HTR7: variants seen among roughly 807,000 people sequenced by gnomAD.
HTR7 encodes 5-hydroxytryptamine receptor 7.
HTR7 carries 16 observed loss-of-function variants against 34.0 expected under a neutral mutation model. That is an observed-to-expected ratio of 0.47 (90% CI 0.32 to 0.71). The LOEUF (loss-of-function observed/expected upper bound fraction) is 0.71. Ranked by LOEUF, HTR7 falls within the 30% of genes least tolerant of loss-of-function variation. HTR7 has a pLI of 0.04. For missense variants in HTR7, 504 were observed against 625.5 expected (o/e 0.81, Z 2.07); for synonymous variants, 265 against 260.2 (o/e 1.02, Z -0.18).
At chr10:90,835,970 G>C (rs1218360747) in intron 1 of HTR7, among the ~76,000 whole-genome samples, 1 of 152,084 alleles carries the variant, frequency 6.6e-6, no homozygotes, top group Non-Finnish European at 1.5e-5. Flanking sequence ...ACAAGGAAAG[G>C]GCAAGAACAA....
At chr10:90,755,788 G>A (rs1214101732) in intron 1 of HTR7, among the ~76,000 whole-genome samples, 1 of 152,180 alleles carries the variant, frequency 6.6e-6, no homozygotes, top group Non-Finnish European at 1.5e-5. Flanking sequence ...AATGTAAACT[G>A]ATGCAGTAAC....
At chr10:90,750,837 A>G (rs1368279717) in intron 1 of HTR7, among the ~76,000 whole-genome samples, 1 of 152,248 alleles carries the variant, frequency 6.6e-6, no homozygotes, top group Non-Finnish European at 1.5e-5. Flanking sequence ...GAAATATAGT[A>G]AAAAATAATG....
intron 1 of HTR7, among the ~76,000 whole-genome samples, chr10:90,808,522 G>A (rs879887654): frequency 3.2e-4 from 48 of 150,662 alleles, no homozygotes; most frequent in Admixed American, 1.4e-3. Context: ...TCTGTGCTCC[G>A]ATCCCTTATT....
chr10:90,748,106 T>C (rs2420203), intron 2 of HTR7, among the ~76,000 whole-genome samples: 31,696 of 152,116 alleles, frequency 0.21, 3,988 homozygotes, highest in African/African-American at 0.34. Context: ...CCTGCCAAGA[T>C]GGGCAGGAAC....
At chr10:90,757,537 T>C (rs1442278246) in intron 1 of HTR7, among the ~76,000 whole-genome samples, 4 of 152,168 alleles carry the variant, frequency 2.6e-5, no homozygotes, top group Non-Finnish European at 1.5e-5. Context: ...TCAGCTGCGG[T>C]AGAATCTACT....
At chr10:90,819,504 C>T (rs970639542) in intron 1 of HTR7, among the ~76,000 whole-genome samples, 4 of 152,102 alleles carry the variant, frequency 2.6e-5, no homozygotes, top group Non-Finnish European at 5.9e-5. Flanking sequence ...AGTACATCAT[C>T]CCTTTTTAAT....
intron 1 of HTR7, among the ~76,000 whole-genome samples, chr10:90,821,134 G>GCA (rs3035231): frequency 1.9e-3 from 286 of 150,268 alleles, no homozygotes; most frequent in Non-Finnish European, 2.8e-3. Context: ...ACACACACAT[G>GCA]CACACACACA....
intron 1 of HTR7, among the ~76,000 whole-genome samples, chr10:90,770,881 C>T (rs759025699): frequency 1.1e-4 from 16 of 152,314 alleles, no homozygotes; most frequent in Middle Eastern, 3.4e-3. Context: ...CTGGGGCTCA[C>T]GCTGCCAGTC....
intron 1 of HTR7, among the ~76,000 whole-genome samples, chr10:90,802,632 T>TAAAA (rs536311281): frequency 6.1e-4 from 93 of 152,380 alleles, no homozygotes; most frequent in African/African-American, 2.1e-3. Context: ...GTAATAGCGT[T>TAAAA]ATAGCTAGCC....
intron 1 of HTR7, among the ~76,000 whole-genome samples, chr10:90,826,427 A>G (rs1480297966): frequency 1.3e-5 from 2 of 152,218 alleles, no homozygotes; most frequent in Non-Finnish European, 2.9e-5. Flanking sequence ...ACTGATAATA[A>G]TAAGTAAACA....
In HTR7 at chr10:90,857,033, T is replaced by A; in HGVS notation, c.539+100A>T. ...TTTAAGCGCAGCCCTTCATCCCGCCTTGAAGTCTAGCTTGATCCTCCCAGG... is the reference window on the plus strand; with the variant it reads ...TTTAAGCGCAGCCCTTCATCCCGCCATGAAGTCTAGCTTGATCCTCCCAGG... On this transcript the variant is annotated intron_variant, in intron 1 of 3. Coordinates refer to ENST00000336152, the MANE Select transcript of HTR7 (RefSeq NM_019859.4). This position sits in a 1 kb window ranked among gnomAD's most constrained non-coding sequence, Gnocchi z 6.5. 8.7e-7 allele frequency: 1 copy of A among 1,151,728 alleles called. No homozygotes were observed. Among genetic ancestry groups the A allele is most frequent in the Non-Finnish European group, 1.2e-6 (1 of 825,598 alleles). 71.3% of individuals were successfully genotyped at this position (1,151,728 alleles called of 1,614,324 possible).
At chr10:90,760,260 G>A (rs1180438545) in intron 1 of HTR7, among the ~76,000 whole-genome samples, 2 of 152,184 alleles carry the variant, frequency 1.3e-5, no homozygotes, top group African/African-American at 4.8e-5. Flanking sequence ...GGTACAGAAA[G>A]TTAAACACCA....
At chr10:90,853,985 G>A (rs1381115973) in intron 1 of HTR7, among the ~76,000 whole-genome samples, 1 of 152,158 alleles carries the variant, frequency 6.6e-6, no homozygotes, top group Admixed American at 6.5e-5. Context: ...AGCCGTGGCT[G>A]GAGGAAGAAG....
At chr10:90,743,461 C>CCA (rs1844585852) in intron 3 of HTR7, 132 bp downstream of exon 3, 1 of 725,400 alleles carries the variant, frequency 1.4e-6, no homozygotes, top group Non-Finnish European at 2.4e-6. Flanking sequence ...TAGCCCAGGG[C>CCA]CACTGTCTCT....
At position 90,791,341 on chromosome 10, in the gene HTR7, G is replaced by A. The variant is rs535662268; in HGVS notation, c.540-41747C>T. Among the ~76,000 whole-genome samples the A allele has an allele frequency of 3.9e-5, 6 of 152,156 alleles. No individual in the cohort carries two copies. The South Asian group carries it at 1.2e-3, about 32-fold the overall frequency. The stretch of plus-strand genomic sequence containing the variant: ...TATATTATACACAATACCTAAAGCA[G>A]TGAGGGGGAGTTAGATTGGGGGTGA... On this transcript the variant is annotated intron_variant, in intron 1 of 3. Coordinates refer to ENST00000336152, the MANE Select transcript of HTR7 (RefSeq NM_019859.4).
intron 1 of HTR7, among the ~76,000 whole-genome samples, chr10:90,787,068 AC>A (rs1297132016): frequency 1.3e-5 from 2 of 152,214 alleles, no homozygotes; most frequent in Non-Finnish European, 2.9e-5. Flanking sequence ...TTAGACCCTT[AC>A]TTCCACACAT....
At chr10:90,794,957 A>G (rs1845516195) in intron 1 of HTR7, among the ~76,000 whole-genome samples, 1 of 152,216 alleles carries the variant, frequency 6.6e-6, no homozygotes, top group Non-Finnish European at 1.5e-5. Context: ...CTCCATCATA[A>G]TCTTATGGAA....
chr10:90,795,341 C>G (rs998505139), intron 1 of HTR7, among the ~76,000 whole-genome samples: 1 of 152,192 alleles, frequency 6.6e-6, no homozygotes, highest in Non-Finnish European at 1.5e-5. Flanking sequence ...ACAGCACAAA[C>G]TCACTTTTCA....
intron 1 of HTR7, among the ~76,000 whole-genome samples, chr10:90,846,484 A>G (rs565476777): frequency 6.6e-6 from 1 of 152,210 alleles, no homozygotes; most frequent in South Asian, 2.1e-4. Flanking sequence ...GGTTCCAGCA[A>G]TTCTGTGGAG....
Sources: gnomAD v4.1 joint callset for allele counts (sites outside exome capture counted in the v4.1 genomes callset) on GRCh38, gnomAD v4.1.1 for gene constraint, Gnocchi (gnomAD v3.1) non-coding constraint, MANE v1.5 for transcripts, NCBI Gene and HGNC (gene_info 2026-07-23, HGNC 2026-07-21) for gene names.